Variants in SPTBN4 observed in about 807,000 individuals in gnomAD.
SPTBN4 encodes spectrin beta chain, non-erythrocytic 4.
Under a neutral mutation model 277.8 loss-of-function variants are expected in SPTBN4, and 96 were observed. The ratio of observed to expected loss-of-function variants is 0.35; its 90% CI spans 0.29 to 0.41. The LOEUF (loss-of-function observed/expected upper bound fraction) is 0.41. Ranked by LOEUF, SPTBN4 falls within the 10% of genes least tolerant of loss-of-function variation. SPTBN4 has a pLI of 1.00. For synonymous variants in SPTBN4, 1,481 were observed against 1,580.3 expected, an observed-to-expected ratio of 0.94 and a Z score of 1.49; for missense variants, 3,006 against 3,595.7, an observed-to-expected ratio of 0.84 and a Z score of 4.19.
intron 3 of SPTBN4, 146 bp downstream of exon 3, chr19:40,487,994 CCCT>C: frequency 1.0e-6 from 1 of 955,022 alleles, no homozygotes; most frequent in Non-Finnish European, 1.5e-6. Context: ...GGTAAGAGGT[CCCT>C]CTACTCGGGT....
Position 40,568,084 on chromosome 19 carries a change from A to T in SPTBN4, c.6758A>T (p.Glu2253Val). The stretch of plus-strand genomic sequence containing the variant: ...AGGAGGCGGCGGCCTGAGCGGCAAG[A>T]GTCAGTCGATCAATCCGAGGAGGCT... ...LPRRRRPERQ[E>V]SVDQSEEAAR... The change falls in exon 31 of 36, where the codon GAG becomes GTG. Residue 2253 changes from glutamate to valine, a missense_variant. Glu to Val is a moderately radical substitution (Grantham distance 121). Transcript: ENST00000598249. 6.4e-7 allele frequency: 1 copy of T among 1,564,868 alleles called. No homozygotes were observed. The highest frequency in any genetic ancestry group is 8.7e-7 in the Non-Finnish European group (1 of 1,155,210).
chr19:40,549,169 C>G lies in SPTBN4; in HGVS notation c.4360-20C>G. The G allele has an allele frequency of 6.5e-7, 1 of 1,529,494 alleles. No individual in the cohort carries two copies. Among genetic ancestry groups the G allele is most frequent in the South Asian group, 1.2e-5 (1 of 82,756 alleles). The allele number at this position is 1,529,494 out of a possible 1,614,324, so 94.7% of individuals were successfully genotyped here. On this transcript the variant is annotated intron_variant, in intron 20 of 35. Transcript: ENST00000598249. ...CAGGAGGGCGGGTGGGGCCCATTGA[C>G]CCTGCCTCTGTCCCCACAGTCCATG... is the stretch of plus-strand genomic sequence containing the variant.
chr19:40,567,713 G>T lies in SPTBN4; in HGVS notation c.6387G>T (p.Leu2129=). ...EQSKQPPTPL[L]GRKFFGDPTE... The stretch of plus-strand genomic sequence containing the variant: ...GCAAGCAGCCGCCTACCCCACTGCT[G>T]GGGCGCAAGTTCTTTGGGGACCCCA... The change falls in exon 31 of 36, where the codon CTG becomes CTT. Residue 2129 remains leucine (L), a synonymous_variant. Coordinates refer to ENST00000598249, the MANE Select transcript of SPTBN4 (RefSeq NM_020971.3). 6.4e-7 allele frequency: 1 copy of T among 1,557,064 alleles called. No individual in the cohort carries two copies. The highest frequency in any genetic ancestry group is 2.5e-5 in the East Asian group (1 of 39,640).
chr19:40,554,170 G>T lies in SPTBN4; in HGVS notation c.4698G>T (p.Ala1566=). 6 of 1,446,546 alleles carry T rather than the reference G, an allele frequency of 4.1e-6. No homozygotes were observed. Among genetic ancestry groups the T allele is most frequent in the South Asian group, 1.4e-5 (1 of 69,054 alleles). 89.6% of individuals were successfully genotyped at this position (1,446,546 alleles called of 1,614,324 possible). ...AGGGCCTGCGGCGGGAGATCCAGGC[G>T]CATGGGCCGCGCCTGGAGGAGGTGC... ...KNQGLRREIQ[A]HGPRLEEVLE... Residue 1566 remains alanine, a synonymous_variant, in exon 23 of 36, where the codon GCG becomes GCT. Coordinates refer to ENST00000598249, the MANE Select transcript of SPTBN4 (RefSeq NM_020971.3). The surrounding 1 kb of genome is among the most constrained non-coding windows in gnomAD (Gnocchi z 5.7).
rs780857631 is a variant in SPTBN4, at chr19:40,556,239, A to T, written c.5240A>T (p.Glu1747Val). Residue 1747 changes from glutamate (E) to valine (V), a missense_variant, in exon 25 of 36, where the codon GAG becomes GTG. This residue lies in a region of SPTBN4 where 425 missense variants were observed against 594.7 expected (regional missense o/e 0.71). Transcript: ENST00000598249. ...CTTGAGCACTGGATTGCCGAGAAGG[A>T]GGTGGTGGCTGGCTCACCCGAGCTC... ...SELEHWIAEK[E>V]VVAGSPELGQ... is the part of the protein sequence containing the mutation. 6.2e-7 allele frequency: 1 copy of T among 1,612,956 alleles called. No individual in the cohort carries two copies. The highest frequency in any genetic ancestry group is 1.1e-5 in the South Asian group (1 of 91,046).
At chr19:40,468,329 C>T (rs1218107763) in intron 1 of SPTBN4, among the ~76,000 whole-genome samples, 2 of 152,156 alleles carry the variant, frequency 1.3e-5, no homozygotes. Flanking sequence ...CACCCACCTC[C>T]TTGGCCTCTC....
chr19:40,567,719 C>T lies in SPTBN4; in HGVS notation c.6393C>T (p.Arg2131=), dbSNP rs1012823897. Residue 2131 remains arginine (R), a synonymous_variant, in exon 31 of 36, where the codon CGC becomes CGT. Coordinates refer to ENST00000598249, the MANE Select transcript of SPTBN4 (RefSeq NM_020971.3). ...AGCCGCCTACCCCACTGCTGGGGCG[C>T]AAGTTCTTTGGGGACCCCACGGAAC... The part of the protein sequence containing the change: ...SKQPPTPLLG[R]KFFGDPTELA... 1 of 1,557,702 alleles carries T rather than the reference C, an allele frequency of 6.4e-7. No individual in the cohort carries two copies. The highest frequency in any genetic ancestry group is 8.7e-7 in the Non-Finnish European group (1 of 1,153,744).
Position 40,554,819 on chromosome 19 carries a change from A to T in SPTBN4, c.5084+173A>T. On this transcript the variant is annotated intron_variant, in intron 24 of 35. Transcript: ENST00000598249. The surrounding 1 kb of genome is among the most constrained non-coding windows in gnomAD (Gnocchi z 5.7). Reference sequence around the variant, plus strand: ...GGGCCGGAATGGGGGGACACGGCTCAGGGATGGTTGAGAGGGTGGGGCCAG... The same window carrying T: ...GGGCCGGAATGGGGGGACACGGCTCTGGGATGGTTGAGAGGGTGGGGCCAG... 3.0e-6 allele frequency: 3 copies of T among 989,156 alleles called. No individual in the cohort carries two copies. Among genetic ancestry groups the T allele is most frequent in the Non-Finnish European group, 4.5e-6 (3 of 671,544 alleles). 61.3% of individuals were successfully genotyped at this position (989,156 alleles called of 1,614,324 possible). A position where few individuals can be genotyped will look rare whatever the true frequency, so the allele number is the denominator to read the frequency against.
In SPTBN4 at chr19:40,550,312, C is replaced by T. The variant is rs773295236; in HGVS notation, c.4659C>T (p.His1553=). The T allele has an allele frequency of 6.2e-7, 1 of 1,609,558 alleles. No individual in the cohort carries two copies. Among genetic ancestry groups the T allele is most frequent in the Non-Finnish European group, 8.5e-7 (1 of 1,179,988 alleles). Residue 1553 remains histidine, a synonymous_variant, in exon 22 of 36, where the codon CAC becomes CAT. Transcript: ENST00000598249. ...RGNGLQAVQQ[H]IKKNQGLRRE... ...ACGGTTTGCAGGCGGTCCAGCAGCACATCAAAAAGAACCAGGTGAGCAGAG... is the reference window on the plus strand; with the variant it reads ...ACGGTTTGCAGGCGGTCCAGCAGCATATCAAAAAGAACCAGGTGAGCAGAG...
intron 13 of SPTBN4, among the ~76,000 whole-genome samples, chr19:40,510,374 G>A (rs1419090295): frequency 2.6e-5 from 4 of 151,780 alleles, no homozygotes; most frequent in Non-Finnish European, 5.9e-5. Context: ...GCACTATCTC[G>A]GCTCACTGCA....
chr19:40,536,415 T>C (rs1399198245), intron 20 of SPTBN4, among the ~76,000 whole-genome samples: 1 of 152,134 alleles, frequency 6.6e-6, no homozygotes, highest in Admixed American at 6.5e-5. Flanking sequence ...GGTTTCACCA[T>C]GTTGGCCAGG....
At chr19:40,504,678 A>AC (rs1038160390) in intron 12 of SPTBN4, among the ~76,000 whole-genome samples, 3 of 150,760 alleles carry the variant, frequency 2.0e-5, no homozygotes, top group Non-Finnish European at 4.5e-5. Flanking sequence ...CAAAAAAAAA[A>AC]ACAAAAAAAA....
At chr19:40,497,072 C>CAAAAA (rs35856852) in intron 6 of SPTBN4, among the ~76,000 whole-genome samples, 10 of 59,608 alleles carry the variant, frequency 1.7e-4, no homozygotes, top group East Asian at 6.0e-4. Context: ...GACTCCATCT[C>CAAAAA]AAAAAAAAAA....
intron 2 of SPTBN4, among the ~76,000 whole-genome samples, chr19:40,480,890 C>T (rs528840802): frequency 9.9e-5 from 15 of 152,070 alleles, no homozygotes; most frequent in Admixed American, 3.3e-4. Context: ...CAGTGAGACC[C>T]CATTTCTACT....
Position 40,569,723 on chromosome 19 carries a change from T to TGGG in SPTBN4, c.7025_7026+1dup. The TGGG allele has an allele frequency of 6.2e-7, 1 of 1,610,450 alleles. No homozygotes were observed. On this transcript the variant is annotated inframe_insertion, in exon 32 of 36. Transcript: ENST00000598249. ...AAGAGGCAGGCCCAGGGCTGCCTGC[T>TGGG]GGGGTAAGTTGAGCCTCGGATGGGT... is the stretch of plus-strand genomic sequence containing the variant.
At chr19:40,478,808 A>G (rs1489437310) in intron 2 of SPTBN4, among the ~76,000 whole-genome samples, 6 of 152,178 alleles carry the variant, frequency 3.9e-5, no homozygotes, top group African/African-American at 1.2e-4. Flanking sequence ...CAGCCTCTCA[A>G]AGTGCTGGGA....
intron 20 of SPTBN4, among the ~76,000 whole-genome samples, chr19:40,545,578 T>G (rs191837974): frequency 2.0e-5 from 3 of 152,258 alleles, no homozygotes; most frequent in Admixed American, 2.0e-4. Flanking sequence ...TTAGATACTA[T>G]AAGTCTTTTA....
intron 27 of SPTBN4, among the ~76,000 whole-genome samples, chr19:40,564,494 A>G (rs1349006231): frequency 1.3e-5 from 2 of 152,194 alleles, no homozygotes; most frequent in African/African-American, 2.4e-5. Context: ...TTGGAACGTT[A>G]AAATCATTGG....
In SPTBN4 at chr19:40,495,721, G is replaced by A. The variant is rs573879294; in HGVS notation, c.668+744G>A. Among the ~76,000 whole-genome samples, 7 of 152,082 alleles carry A rather than the reference G, an allele frequency of 4.6e-5. No individual in the cohort carries two copies. The South Asian group carries it at 6.2e-4, about 14-fold the overall frequency. ...CTCAAAGTGAGCCCTTAGAGTCCCC[G>A]TCCCTGTACACCCACGGATTCATAC... On this transcript the variant is annotated intron_variant, in intron 6 of 35. Transcript: ENST00000598249.
Sources: gnomAD v4.1 joint callset for allele counts (sites outside exome capture counted in the v4.1 genomes callset) on GRCh38, gnomAD v4.1.1 for gene constraint, gnomAD v4.1.1 regional missense constraint, Gnocchi (gnomAD v3.1) non-coding constraint, MANE v1.5 for transcripts, NCBI Gene and HGNC (gene_info 2026-07-23, HGNC 2026-07-21) for gene names.